Variants in PRKCA observed in about 807,000 individuals in gnomAD.
The protein encoded by PRKCA is protein kinase C alpha type.
In PRKCA, 27 loss-of-function variants were observed where a neutral mutation model predicts 87.0. The ratio of observed to expected loss-of-function variants is 0.31; its 90% CI spans 0.23 to 0.43. The LOEUF is 0.43. PRKCA is among the 20% of genes least tolerant of loss of function. PRKCA has a pLI of 1.00. For synonymous variants in PRKCA, 329 were observed against 311.1 expected (o/e 1.06, Z -0.61); for missense variants, 518 against 852.3 (o/e 0.61, Z 4.88).
chr17:66,717,865 C>T (rs181587718), intron 8 of PRKCA, among the ~76,000 whole-genome samples: 34 of 152,348 alleles, frequency 2.2e-4, no homozygotes, highest in African/African-American at 7.0e-4. Context: ...AAGAATGACT[C>T]ATGCCTGTGA....
intron 2 of PRKCA, among the ~76,000 whole-genome samples, chr17:66,388,525 C>T (rs1357470115): frequency 6.6e-6 from 1 of 152,152 alleles, no homozygotes; most frequent in Non-Finnish European, 1.5e-5. Context: ...AACTCTTGAC[C>T]TCAAGTGATC....
At chr17:66,740,841 A>G (rs1341910385) in intron 11 of PRKCA, among the ~76,000 whole-genome samples, 1 of 152,238 alleles carries the variant, frequency 6.6e-6, no homozygotes, top group African/African-American at 2.4e-5. Context: ...TAATGTAAAG[A>G]TCACCTGTAG....
At chr17:66,573,601 A>G (rs760644736) in intron 3 of PRKCA, among the ~76,000 whole-genome samples, 17 of 152,254 alleles carry the variant, frequency 1.1e-4, no homozygotes, top group South Asian at 2.1e-4. Flanking sequence ...AGAATTAAAG[A>G]TTAACCAAAA....
intron 2 of PRKCA, among the ~76,000 whole-genome samples, chr17:66,442,986 G>A: frequency 6.6e-6 from 1 of 152,334 alleles, no homozygotes; most frequent in South Asian, 2.1e-4. Context: ...TCTGGCAGGA[G>A]CCCTGGCCAT....
chr17:66,419,422 G>C (rs927374581), intron 2 of PRKCA, among the ~76,000 whole-genome samples: 1 of 152,030 alleles, frequency 6.6e-6, no homozygotes, highest in Non-Finnish European at 1.5e-5. Context: ...GTTATTTTAA[G>C]GTTATATGTT....
At chr17:66,345,780 TC>T (rs1907323383) in intron 2 of PRKCA, among the ~76,000 whole-genome samples, 2 of 152,272 alleles carry the variant, frequency 1.3e-5, no homozygotes, top group South Asian at 4.1e-4. Context: ...TCTCTGAACT[TC>T]AAGGAAATTT....
intron 16 of PRKCA, among the ~76,000 whole-genome samples, chr17:66,796,128 C>A (rs1048652381): frequency 6.6e-5 from 10 of 152,152 alleles, no homozygotes; most frequent in African/African-American, 1.9e-4. Context: ...CATGCTCTCT[C>A]TATATGGTGA....
intron 3 of PRKCA, among the ~76,000 whole-genome samples, chr17:66,570,452 T>C (rs1015440362): frequency 6.6e-6 from 1 of 152,210 alleles, no homozygotes; most frequent in African/African-American, 2.4e-5. Context: ...ATAAAACACT[T>C]TAAAATTTCT....
intron 13 of PRKCA, among the ~76,000 whole-genome samples, chr17:66,755,321 G>A (rs1322697322): frequency 1.3e-5 from 2 of 152,148 alleles, no homozygotes; most frequent in African/African-American, 4.8e-5. Context: ...CAGATCAAAA[G>A]CCCAGCACTT....
intron 2 of PRKCA, among the ~76,000 whole-genome samples, chr17:66,426,613 T>C (rs913624464): frequency 6.6e-6 from 1 of 152,234 alleles, no homozygotes; most frequent in African/African-American, 2.4e-5. Context: ...CTTCCTGTGC[T>C]GCAAGAACCC....
intron 2 of PRKCA, among the ~76,000 whole-genome samples, chr17:66,481,191 G>A (rs765385575): frequency 6.6e-6 from 1 of 152,148 alleles, no homozygotes; most frequent in Non-Finnish European, 1.5e-5. Context: ...CCACTTGTAT[G>A]ATCCTGAAAT....
chr17:66,593,079 C>T (rs576788293), intron 3 of PRKCA, among the ~76,000 whole-genome samples: 3 of 152,240 alleles, frequency 2.0e-5, no homozygotes, highest in East Asian at 1.9e-4. Flanking sequence ...CATGAGCCAC[C>T]GTGCCCGGCC....
rs1567788974 is a variant in PRKCA at position 66,359,326 on chromosome 17, A to G, written c.205+53199A>G. Among the ~76,000 whole-genome samples, 2 of 152,162 alleles carry G rather than the reference A, an allele frequency of 1.3e-5. 1 individual carries two copies. The highest frequency in any genetic ancestry group is 3.8e-4 in the East Asian group (2 of 5,198). On this transcript the variant is annotated intron_variant, in intron 2 of 16. Transcript: ENST00000413366. ...AAACCTACACTCAACAGAAATGATA[A>G]ACTTATAAATGATTTTGCAATCTGC...
chr17:66,613,779 CTTTTTTTTTTTT>C (rs57610655), intron 3 of PRKCA, among the ~76,000 whole-genome samples: 6 of 69,418 alleles, frequency 8.6e-5, no homozygotes, highest in African/African-American at 1.8e-4. Context: ...TGACTTCATC[CTTTTTTTTTTTT>C]TTTTTTTTTT....
intron 3 of PRKCA, among the ~76,000 whole-genome samples, chr17:66,546,539 C>T (rs1047544060): frequency 9.9e-5 from 15 of 152,214 alleles, no homozygotes; most frequent in African/African-American, 3.4e-4. Context: ...GTGGCTGCAT[C>T]TCTCCAGTTT....
chr17:66,803,816 C>A lies in PRKCA; in HGVS notation c.1855-57C>A. The A allele has an allele frequency of 6.3e-7, 1 of 1,586,728 alleles. No individual in the cohort carries two copies. On this transcript the variant is annotated intron_variant, in intron 16 of 16. Coordinates refer to ENST00000413366, the MANE Select transcript of PRKCA (RefSeq NM_002737.3). This position sits in a 1 kb window ranked among gnomAD's most constrained non-coding sequence, Gnocchi z 4.4. ...CTCCCCAGAGAGGGCCCTCGGAGAG[C>A]TGCTCCCGCATTGTCATGTTGACTG... is the stretch of plus-strand genomic sequence containing the variant.
chr17:66,463,490 A>G (rs564779063), intron 2 of PRKCA, among the ~76,000 whole-genome samples: 1 of 151,800 alleles, frequency 6.6e-6, no homozygotes, highest in Non-Finnish European at 1.5e-5. Context: ...CCGCCTCCCA[A>G]GCTCAAGCGA....
At chr17:66,662,167 T>C (rs1971924603) in intron 5 of PRKCA, among the ~76,000 whole-genome samples, 2 of 152,178 alleles carry the variant, frequency 1.3e-5, no homozygotes, top group Admixed American at 1.3e-4. Flanking sequence ...GTCAGGAAAC[T>C]GATGTGTCTC....
At chr17:66,451,379 T>TATTTATTTATTA (rs1332427902) in intron 2 of PRKCA, among the ~76,000 whole-genome samples, 6 of 142,448 alleles carry the variant, frequency 4.2e-5, no homozygotes, top group African/African-American at 1.3e-4. Flanking sequence ...TTTATTTATT[T>TATTTATTTATTA]ATTTATTACC....
Sources: allele counts gnomAD v4.1 joint callset (sites outside exome capture counted in the v4.1 genomes callset), GRCh38; gene constraint gnomAD v4.1.1; non-coding constraint Gnocchi (gnomAD v3.1); transcripts MANE v1.5; gene names NCBI Gene and HGNC (gene_info 2026-07-23, HGNC 2026-07-21).